PREX2: variants seen among roughly 807,000 people sequenced by gnomAD.
PREX2 encodes phosphatidylinositol-3,4,5-trisphosphate dependent Rac exchange factor 2.
In PREX2, 107 loss-of-function variants were observed where a neutral mutation model predicts 203.2. That is an observed-to-expected ratio of 0.53 (90% CI 0.45 to 0.62). The LOEUF (loss-of-function observed/expected upper bound fraction) is 0.62. Among genes scored for constraint, PREX2 ranks in the 20% least tolerant of loss-of-function variants. The pLI is 0.00. For missense variants in PREX2, 1,777 were observed against 1,955.9 expected (o/e 0.91, Z 1.72); for synonymous variants, 672 against 663.6 (o/e 1.01, Z -0.19).
At position 67,975,272 on chromosome 8, in the gene PREX2, G is replaced by GTTTTTTTTTTTTTTTTTTTTT. The variant is rs75276095; in HGVS notation, c.141+22744_141+22764dup. On this transcript the variant is annotated intron_variant, in intron 1 of 39. Coordinates refer to ENST00000288368, the MANE Select transcript of PREX2 (RefSeq NM_024870.4). ...GGCTGATGTTACCTGCACACGGCCTGTTTTTTTTTTTTTTTTTTTTTTTTT... is the reference window on the plus strand; with the variant it reads ...GGCTGATGTTACCTGCACACGGCCTGTTTTTTTTTTTTTTTTTTTTTTTTTTTTTTTTTTTTTTTTTTTTTT... Among the ~76,000 whole-genome samples the GTTTTTTTTTTTTTTTTTTTTT allele has an allele frequency of 2.1e-5, 2 of 96,822 alleles. 1 individual carries two copies. Among genetic ancestry groups the GTTTTTTTTTTTTTTTTTTTTT allele is most frequent in the Non-Finnish European group, 4.1e-5 (2 of 49,238 alleles). 63.5% of individuals were successfully genotyped at this position (96,822 alleles called of 152,430 possible).
chr8:68,171,138 G>A (rs899911088), intron 35 of PREX2, among the ~76,000 whole-genome samples: 1 of 152,016 alleles, frequency 6.6e-6, no homozygotes, highest in Admixed American at 6.6e-5. Context: ...TGAATTTTGG[G>A]GGCTTATGAT....
intron 1 of PREX2, among the ~76,000 whole-genome samples, chr8:67,953,947 G>A (rs1332930942): frequency 2.6e-5 from 4 of 152,136 alleles, no homozygotes; most frequent in Non-Finnish European, 5.9e-5. Flanking sequence ...TTTGTCTTTT[G>A]AAGAATCTGA....
Position 68,231,350 on chromosome 8 carries a change from AGCCACCTCCCCC to A in PREX2, c.4794_4805del (p.Pro1599_Pro1602del). 6.2e-7 allele frequency: 1 copy of A among 1,602,532 alleles called. No homozygotes were observed. ...TTTTCTAGGCTGTACAAGCTGTGCG[AGCCACCTCCCCC>A]AGCTGGAGAAGAATGAAAAGAACTC... On this transcript the variant is annotated inframe_deletion, in exon 40 of 40. Transcript: ENST00000288368.
intron 1 of PREX2, among the ~76,000 whole-genome samples, chr8:67,991,234 T>G (rs560124108): frequency 1.3e-5 from 2 of 152,152 alleles, no homozygotes; most frequent in Non-Finnish European, 2.9e-5. Flanking sequence ...ATACAACTCT[T>G]AAGTAAGTGG....
chr8:68,210,032 C>T (rs141323566), intron 37 of PREX2, among the ~76,000 whole-genome samples: 2,892 of 152,206 alleles, frequency 0.019, 33 homozygotes, highest in South Asian at 0.033. Context: ...TAAAAATTGC[C>T]GCTCAAGTAA....
chr8:68,014,763 C>A (rs970884797), intron 1 of PREX2, among the ~76,000 whole-genome samples: 1 of 152,096 alleles, frequency 6.6e-6, no homozygotes, highest in Non-Finnish European at 1.5e-5. Context: ...TTGTTTTAGT[C>A]TTTGAAAGAA....
At chr8:67,989,463 GA>G (rs1806535608) in intron 1 of PREX2, among the ~76,000 whole-genome samples, 1 of 152,118 alleles carries the variant, frequency 6.6e-6, no homozygotes, top group African/African-American at 2.4e-5. Context: ...TTGAATGAAT[GA>G]CTTGTGTTTT....
intron 1 of PREX2, among the ~76,000 whole-genome samples, chr8:68,005,644 C>T (rs934439224): frequency 2.6e-5 from 4 of 152,208 alleles, no homozygotes; most frequent in Non-Finnish European, 4.4e-5. Context: ...TCCCATGCAT[C>T]GTACTCTCAC....
At chr8:68,082,699 T>C (rs59432693) in intron 17 of PREX2, 81,208 of 152,252 alleles carry the variant, frequency 0.53, 21,666 homozygotes, top group South Asian at 0.56. Flanking sequence ...AGGGATAATA[T>C]CTTCCTTGTC....
intron 20 of PREX2, among the ~76,000 whole-genome samples, chr8:68,091,305 C>T (rs1341861582): frequency 6.6e-6 from 1 of 152,070 alleles, no homozygotes; most frequent in Non-Finnish European, 1.5e-5. Context: ...CTTTGATCTA[C>T]AAGTGCCACA....
At chr8:68,165,784 CCCAGT>C (rs1811749232) in intron 35 of PREX2, among the ~76,000 whole-genome samples, 1 of 151,966 alleles carries the variant, frequency 6.6e-6, no homozygotes, top group Admixed American at 6.6e-5. Context: ...TCAAAAGATC[CCCAGT>C]TTTGGCAAGG....
At chr8:68,004,905 C>A (rs533322455) in intron 1 of PREX2, among the ~76,000 whole-genome samples, 106 of 152,258 alleles carry the variant, frequency 7.0e-4, no homozygotes, top group African/African-American at 2.4e-3. Flanking sequence ...ATTCAGCCCA[C>A]AGAAGGGGAG....
Position 68,114,715 on chromosome 8 carries a change from G to T in PREX2, c.3147-1038G>T, listed in dbSNP as rs192031751. On this transcript the variant is annotated intron_variant, in intron 25 of 39. Coordinates refer to ENST00000288368, the MANE Select transcript of PREX2 (RefSeq NM_024870.4). ...GGCAGATTTGGGACATTTCATCCTG[G>T]CTGGCTTGCAGATTTACCCCATCCT... 2.6e-4 allele frequency among the ~76,000 whole-genome samples: 39 copies of T among 152,244 alleles called. No individual in the cohort carries two copies. The East Asian group carries it at 7.2e-3, about 28-fold the overall frequency.
At chr8:68,133,738 C>T (rs1811053601) in intron 31 of PREX2, among the ~76,000 whole-genome samples, 1 of 152,134 alleles carries the variant, frequency 6.6e-6, no homozygotes, top group South Asian at 2.1e-4. Flanking sequence ...TGTGTCCCAT[C>T]AGGTATAGAA....
chr8:68,105,490 CT>C lies in PREX2; in HGVS notation c.2716-2618del, dbSNP rs938629551. ...GCTACAAGTTGGAAAGCCAGTCCCC[CT>C]AGCAAGAGAATCTTCTGCCAGCTCT... is the stretch of plus-strand genomic sequence containing the variant. On this transcript the variant is annotated intron_variant, in intron 23 of 39. Transcript: ENST00000288368. 9 of 1,159,976 alleles carry C rather than the reference CT, an allele frequency of 7.8e-6. No homozygotes were observed. The African/African-American group carries it at 8.1e-5, about 10-fold the overall frequency. The allele number at this position is 1,159,976 out of a possible 1,614,324, so 71.9% of individuals were successfully genotyped here. A position where few individuals can be genotyped will look rare whatever the true frequency, so the allele number is the denominator to read the frequency against.
intron 1 of PREX2, among the ~76,000 whole-genome samples, chr8:67,983,058 C>T (rs1806316745): frequency 6.6e-6 from 1 of 152,174 alleles, no homozygotes; most frequent in South Asian, 2.1e-4. Context: ...TTCCTTTACA[C>T]AATATTGAAA....
chr8:68,103,544 G>A (rs1427191137), intron 23 of PREX2: 2 of 518,840 alleles, frequency 3.9e-6, no homozygotes, highest in Admixed American at 1.9e-5. Context: ...ACCCCACACT[G>A]TTCCCTTTCT....
chr8:67,981,232 T>G (rs1248666142), intron 1 of PREX2, among the ~76,000 whole-genome samples: 3 of 152,196 alleles, frequency 2.0e-5, no homozygotes, highest in African/African-American at 4.8e-5. Context: ...GAATGTCTTG[T>G]CAGGAAGACC....
chr8:67,963,112 G>A (rs1249834721), intron 1 of PREX2, among the ~76,000 whole-genome samples: 2 of 152,144 alleles, frequency 1.3e-5, no homozygotes, highest in Admixed American at 6.6e-5. Flanking sequence ...ATGCAGATAA[G>A]TGTGGGCCTA....
Sources: gnomAD v4.1 joint callset for allele counts (sites outside exome capture counted in the v4.1 genomes callset) on GRCh38, gnomAD v4.1.1 for gene constraint, MANE v1.5 for transcripts, NCBI Gene and HGNC (gene_info 2026-07-23, HGNC 2026-07-21) for gene names.